Variants in LRRC37A2 observed in about 807,000 individuals in gnomAD.
LRRC37A2 encodes the protein leucine-rich repeat-containing protein 37A2.
In LRRC37A2, 9 loss-of-function variants were observed where a neutral mutation model predicts 68.8. The observed-to-expected ratio is 0.13, with a 90% CI of 0.08 to 0.23. LRRC37A2 has a LOEUF of 0.23. Ranked by LOEUF, LRRC37A2 falls within the 10% of genes least tolerant of loss-of-function variation. The probability of loss-of-function intolerance (pLI) is 1.00; values close to 1 mark genes in which losing one functional copy is unlikely to be tolerated. For synonymous variants in LRRC37A2, 63 were observed against 367.6 expected (o/e 0.17, Z 9.48); for missense variants, 168 against 950.4 (o/e 0.18, Z 10.82).
chr17:46,943,436 A>C, the LRRC37A2 span, among the ~76,000 whole-genome samples: 1 of 152,186 alleles, frequency 6.6e-6, no homozygotes, highest in Non-Finnish European at 1.5e-5. Context: ...CCACACACTC[A>C]GTACAGCTGC....
chr17:46,512,645 TAAAG>T lies in LRRC37A2; in HGVS notation c.-67_-64del, dbSNP rs2051021035. The T allele has an allele frequency of 2.9e-6, 1 of 339,784 alleles. No individual in the cohort carries two copies. Among genetic ancestry groups the T allele is most frequent in the African/African-American group, 3.2e-5 (1 of 30,848 alleles). The allele number at this position is 339,784 out of a possible 1,614,324, so 21.0% of individuals were successfully genotyped here. On this transcript the variant is annotated 5_prime_UTR_variant, in exon 2 of 15. The change creates a new upstream start codon in the 5' untranslated region. Coordinates refer to ENST00000576629, the Ensembl canonical transcript of LRRC37A2. ...ACATGGAGCAGATCTGTGACATAAA[TAAAG>T]GTGTCATAAAGACAGGGCGGGGCTC...
chr17:46,409,843 GC>G, the LRRC37A2 span, among the ~76,000 whole-genome samples: 13 of 107,106 alleles, frequency 1.2e-4, no homozygotes, highest in Non-Finnish European at 2.3e-4. Flanking sequence ...AACATAATTT[GC>G]TAGGCTCCCA....
rs1175082060 is a variant in LRRC37A2 at position 46,545,059 on chromosome 17, C to G, written c.3054-1196C>G. 7.3e-5 allele frequency among the ~76,000 whole-genome samples: 10 copies of G among 137,552 alleles called. 2 individuals carry two copies. Among genetic ancestry groups the G allele is most frequent in the African/African-American group, 2.6e-4 (9 of 34,866 alleles). 90.2% of individuals were successfully genotyped at this position (137,552 alleles called of 152,430 possible). On this transcript the variant is annotated intron_variant, in intron 8 of 14. Coordinates refer to ENST00000576629, the Ensembl canonical transcript of LRRC37A2. ...GAAAAATACTGCATAGGTGATGTATCCTTCCTGCCTCGTAACCGCAGATGG... is the reference window on the plus strand; with the variant it reads ...GAAAAATACTGCATAGGTGATGTATGCTTCCTGCCTCGTAACCGCAGATGG...
the LRRC37A2 span, chr17:46,721,789 G>A: frequency 5.2e-5 from 84 of 1,601,024 alleles, no homozygotes; most frequent in African/African-American, 9.2e-4. Flanking sequence ...GGAAGGCATC[G>A]TGCACAGCTG....
chr17:46,859,245 G>T, the LRRC37A2 span, among the ~76,000 whole-genome samples: 8 of 152,296 alleles, frequency 5.3e-5, no homozygotes, highest in African/African-American at 9.6e-5. Context: ...CAAAGTGCTG[G>T]CATTACAGGC....
At chr17:46,999,592 C>T in the LRRC37A2 span, among the ~76,000 whole-genome samples, 2 of 152,018 alleles carry the variant, frequency 1.3e-5, no homozygotes, top group African/African-American at 2.4e-5. Context: ...TCAAGTGATC[C>T]GCCCACCTTG....
chr17:46,762,081 A>T, the LRRC37A2 span, among the ~76,000 whole-genome samples: 1 of 152,348 alleles, frequency 6.6e-6, no homozygotes, highest in South Asian at 2.1e-4. Context: ...GTCAAGTTTC[A>T]TTTTCAATAG....
At chr17:46,836,587 A>G in the LRRC37A2 span, among the ~76,000 whole-genome samples, 2,233 of 152,362 alleles carry the variant, frequency 0.015, 141 homozygotes, top group East Asian at 0.14. Context: ...GTTGGGAGAA[A>G]TAAGTAGGAT....
chr17:46,816,468 A>AACAC, the LRRC37A2 span, among the ~76,000 whole-genome samples: 296 of 96,518 alleles, frequency 3.1e-3, 1 homozygote, highest in African/African-American at 0.011. Flanking sequence ...ATAGACCCAG[A>AACAC]ACACACGCAC....
the LRRC37A2 span, chr17:47,018,920 GA>G: frequency 6.6e-7 from 1 of 1,519,514 alleles, no homozygotes. Flanking sequence ...AGCCTCCTAA[GA>G]AAGTTGTACC....
At chr17:46,771,829 TG>T in the LRRC37A2 span, among the ~76,000 whole-genome samples, 1,365 of 139,656 alleles carry the variant, frequency 9.8e-3, 29 homozygotes, top group African/African-American at 0.03. Flanking sequence ...GGCCGCGCGG[TG>T]GGGGGGCGGT....
chr17:46,849,872 G>T, the LRRC37A2 span, among the ~76,000 whole-genome samples: 1 of 145,576 alleles, frequency 6.9e-6, no homozygotes, highest in Non-Finnish European at 1.5e-5. Context: ...TTTTGAGATG[G>T]AGTCCCATTC....
At chr17:46,973,963 G>A in the LRRC37A2 span, among the ~76,000 whole-genome samples, 1 of 152,150 alleles carries the variant, frequency 6.6e-6, no homozygotes, top group Non-Finnish European at 1.5e-5. Flanking sequence ...CTACTGAGTT[G>A]GGGTCTGGGG....
chr17:46,872,805 TG>T, the LRRC37A2 span: 1 of 1,089,666 alleles, frequency 9.2e-7, no homozygotes, highest in South Asian at 1.5e-5. Flanking sequence ...CGGGGAGGGC[TG>T]GGGGAAGAAG....
At chr17:46,987,998 C>T in the LRRC37A2 span, among the ~76,000 whole-genome samples, 1 of 152,156 alleles carries the variant, frequency 6.6e-6, no homozygotes, top group Admixed American at 6.5e-5. Context: ...ACAGGGAAAC[C>T]GTGTCTCTAC....
the LRRC37A2 span, among the ~76,000 whole-genome samples, chr17:46,947,891 C>T: frequency 6.6e-6 from 1 of 152,214 alleles, no homozygotes; most frequent in African/African-American, 2.4e-5. Context: ...GCCTCAGCCT[C>T]CTGAGTAGCT....
the LRRC37A2 span, among the ~76,000 whole-genome samples, chr17:46,914,401 C>A: frequency 1.5e-4 from 22 of 151,674 alleles, no homozygotes; most frequent in Non-Finnish European, 2.8e-4. Flanking sequence ...GTAATCCCGG[C>A]ACTTTGGGAG....
At chr17:47,027,648 T>C in the LRRC37A2 span, 440 of 1,022,008 alleles carry the variant, frequency 4.3e-4, no homozygotes, top group African/African-American at 6.4e-3. Flanking sequence ...AAATATAACT[T>C]GATTACATTT....
the LRRC37A2 span, among the ~76,000 whole-genome samples, chr17:46,907,095 A>G: frequency 1.3e-5 from 2 of 152,198 alleles, no homozygotes; most frequent in Non-Finnish European, 2.9e-5. Context: ...TTTCCTCTCC[A>G]CCGGGAGTAC....
Sources: gnomAD v4.1 joint callset for allele counts (sites outside exome capture counted in the v4.1 genomes callset) on GRCh38, gnomAD v4.1.1 for gene constraint, MANE v1.5 for transcripts, NCBI Gene and HGNC (gene_info 2026-07-23, HGNC 2026-07-21) for gene names.